Variants in HUNK observed in about 807,000 individuals in gnomAD.
HUNK encodes hormonally up-regulated neu tumor-associated kinase.
In HUNK, 21 loss-of-function variants were observed where a neutral mutation model predicts 61.0. The ratio of observed to expected loss-of-function variants is 0.34; its 90% CI spans 0.24 to 0.50. HUNK has a LOEUF of 0.50. Among genes scored for constraint, HUNK ranks in the 20% least tolerant of loss-of-function variants. The pLI is 0.98. For synonymous variants in HUNK, 371 were observed against 386.1 expected, an observed-to-expected ratio of 0.96 and a Z score of 0.46; for missense variants, 772 against 945.7, an observed-to-expected ratio of 0.82 and a Z score of 2.41.
At chr21:31,952,690 T>C (rs1387644722) in intron 4 of HUNK, among the ~76,000 whole-genome samples, 1 of 151,998 alleles carries the variant, frequency 6.6e-6, no homozygotes, top group African/African-American at 2.4e-5. Context: ...ATTTCATAAG[T>C]AAGGGCCCTT....
chr21:31,943,122 G>A (rs1424132095), intron 3 of HUNK, among the ~76,000 whole-genome samples: 1 of 151,814 alleles, frequency 6.6e-6, no homozygotes, highest in Non-Finnish European at 1.5e-5. Context: ...TAGCTATTAT[G>A]ATTGCCTCTT....
intron 4 of HUNK, among the ~76,000 whole-genome samples, chr21:31,948,787 C>T (rs2052828064): frequency 6.6e-6 from 1 of 152,140 alleles, no homozygotes; most frequent in African/African-American, 2.4e-5. Flanking sequence ...GAATGTGGGT[C>T]AGCTCAAGGC....
At chr21:31,977,067 G>C (rs1227332659) in intron 7 of HUNK, among the ~76,000 whole-genome samples, 1 of 152,042 alleles carries the variant, frequency 6.6e-6, no homozygotes, top group Non-Finnish European at 1.5e-5. Flanking sequence ...CACCATGCCC[G>C]ACCCCATTTC....
At chr21:31,937,935 A>G (rs528925876) in intron 2 of HUNK, among the ~76,000 whole-genome samples, 4 of 152,262 alleles carry the variant, frequency 2.6e-5, no homozygotes, top group Admixed American at 1.3e-4. Context: ...GTATTGTTTC[A>G]TTTGGAGTGA....
In HUNK at chr21:31,979,512, A is replaced by ATTT. The variant is rs1568940203; in HGVS notation, c.1174-4012_1174-4011insTTT. ...GTTTTCTGGCTATTGAGTTGTTTGCATTCTTTTTTTTTTTTTTTTTTTTTT... is the reference window on the plus strand; with the variant it reads ...GTTTTCTGGCTATTGAGTTGTTTGCATTTTTCTTTTTTTTTTTTTTTTTTTTTT... On this transcript the variant is annotated intron_variant, in intron 7 of 10. Transcript: ENST00000270112. Among the ~76,000 whole-genome samples, 31 of 99,526 alleles carry ATTT rather than the reference A, an allele frequency of 3.1e-4. 1 individual carries two copies. The highest frequency in any genetic ancestry group is 5.3e-4 in the Non-Finnish European group (27 of 50,728). 65.3% of individuals were successfully genotyped at this position (99,526 alleles called of 152,430 possible). A position where few individuals can be genotyped will look rare whatever the true frequency, so the allele number is the denominator to read the frequency against.
intron 2 of HUNK, among the ~76,000 whole-genome samples, chr21:31,925,166 G>A (rs1055442106): frequency 6.6e-6 from 1 of 152,172 alleles, no homozygotes; most frequent in African/African-American, 2.4e-5. Flanking sequence ...TTGGGTTAAT[G>A]CCAGTGTGAG....
intron 6 of HUNK, among the ~76,000 whole-genome samples, chr21:31,968,712 CCGAGTGTG>C (rs1339332698): frequency 0.039 from 5,314 of 135,852 alleles, 137 homozygotes; most frequent in Non-Finnish European, 0.057. Flanking sequence ...TAGCTGTGGC[CCGAGTGTG>C]TGTGTGTGTG....
chr21:31,876,795 T>C (rs2052265641), intron 1 of HUNK, among the ~76,000 whole-genome samples: 2 of 152,194 alleles, frequency 1.3e-5, no homozygotes, highest in African/African-American at 4.8e-5. Flanking sequence ...TTCACTTTTC[T>C]CCTGTCCTAT....
chr21:31,884,938 C>T (rs573659407), intron 1 of HUNK, among the ~76,000 whole-genome samples: 5 of 152,064 alleles, frequency 3.3e-5, no homozygotes, highest in Admixed American at 1.3e-4. Context: ...CCACCACACC[C>T]GGCTAATTTT....
At chr21:31,938,740 T>C (rs984590184) in intron 2 of HUNK, among the ~76,000 whole-genome samples, 1 of 152,178 alleles carries the variant, frequency 6.6e-6, no homozygotes, top group African/African-American at 2.4e-5. Context: ...AACGTGTGTT[T>C]GTATGTGTGT....
At chr21:31,956,295 G>A (rs2052889028) in intron 4 of HUNK, among the ~76,000 whole-genome samples, 1 of 152,172 alleles carries the variant, frequency 6.6e-6, no homozygotes, top group Admixed American at 6.5e-5. Context: ...GGAACAGGCT[G>A]GCTCAGAAGC....
rs529070875 is a variant in HUNK at position 32,002,412 on chromosome 21, A to G, written c.*3228A>G. 1 of 152,318 alleles carries G rather than the reference A, an allele frequency of 6.6e-6. No individual in the cohort carries two copies. Among genetic ancestry groups the G allele is most frequent in the African/African-American group, 2.4e-5 (1 of 41,570 alleles). 9.4% of individuals were successfully genotyped at this position (152,318 alleles called of 1,614,324 possible). On this transcript the variant is annotated 3_prime_UTR_variant, in exon 11 of 11. Coordinates refer to ENST00000270112, the MANE Select transcript of HUNK (RefSeq NM_014586.2). ...CCTTATGTAAAGCTCTTGACCTAGC[A>G]TCTGACTGGAAACAAGCGGGAATTG...
intron 1 of HUNK, among the ~76,000 whole-genome samples, chr21:31,877,207 A>G (rs2211783): frequency 0.62 from 93,727 of 151,902 alleles, 29,738 homozygotes; most frequent in African/African-American, 0.77. Context: ...GGGCATTGCT[A>G]GTTGAAGGCA....
At chr21:31,977,420 T>A (rs1382858522) in intron 7 of HUNK, among the ~76,000 whole-genome samples, 22 of 152,348 alleles carry the variant, frequency 1.4e-4, no homozygotes. Context: ...ACTGACTATA[T>A]TATAAAGTTC....
At chr21:31,976,188 T>A (rs1486272153) in intron 7 of HUNK, among the ~76,000 whole-genome samples, 2 of 152,124 alleles carry the variant, frequency 1.3e-5, no homozygotes, top group East Asian at 3.9e-4. Context: ...GGGGACAGAG[T>A]CAACGCTTTG....
At chr21:31,913,311 AG>A (rs2052558905) in intron 1 of HUNK, among the ~76,000 whole-genome samples, 1 of 151,574 alleles carries the variant, frequency 6.6e-6, no homozygotes, top group South Asian at 2.1e-4. Flanking sequence ...AGGGAATTCC[AG>A]GCTGGGCTGG....
intron 2 of HUNK, among the ~76,000 whole-genome samples, chr21:31,926,198 G>A (rs753608477): frequency 6.6e-6 from 1 of 152,072 alleles, no homozygotes; most frequent in Non-Finnish European, 1.5e-5. Context: ...GATTACAGGC[G>A]TGAGCCACCA....
intron 8 of HUNK, among the ~76,000 whole-genome samples, chr21:31,986,204 G>GCCGCCCT (rs1240210293): frequency 2.1e-5 from 3 of 141,794 alleles, no homozygotes; most frequent in Admixed American, 7.0e-5. Context: ...CTCTCCCCCC[G>GCCGCCCT]CCGCCCTCCG....
At chr21:31,888,710 A>C (rs2052365936) in intron 1 of HUNK, among the ~76,000 whole-genome samples, 1 of 152,124 alleles carries the variant, frequency 6.6e-6, no homozygotes, top group East Asian at 1.9e-4. Context: ...ATTGTACTCC[A>C]GCCTGGGCAA....
Sources: gnomAD v4.1 joint callset for allele counts (sites outside exome capture counted in the v4.1 genomes callset) on GRCh38, gnomAD v4.1.1 for gene constraint, MANE v1.5 for transcripts, NCBI Gene and HGNC (gene_info 2026-07-23, HGNC 2026-07-21) for gene names.